The following EMC9 variants were observed in gnomAD, a reference collection of about 807,000 sequenced individuals.
EMC9 encodes UPF0172 protein FAM158A.
In EMC9, 20 loss-of-function variants were observed where a neutral mutation model predicts 25.0. The ratio of observed to expected loss-of-function variants is 0.80; its 90% CI spans 0.56 to 1.16. EMC9 has a LOEUF of 1.16. Among genes scored for constraint, EMC9 ranks in the 50% most tolerant of loss-of-function variants. EMC9 has a pLI of 0.00. For synonymous variants in EMC9, 100 were observed against 107.0 expected (o/e 0.93, Z 0.40); for missense variants, 256 against 268.7 (o/e 0.95, Z 0.33).
Position 24,141,210 on chromosome 14 carries a change from G to A in EMC9, c.95C>T (p.Ala32Val), listed in dbSNP as rs761848932. The A allele has an allele frequency of 1.9e-6, 3 of 1,614,166 alleles. No homozygotes were observed. The highest frequency in any genetic ancestry group is 2.5e-6 in the Non-Finnish European group (3 of 1,180,046). Residue 32 changes from alanine to valine, a missense_variant, in exon 2 of 6, where the codon GCG becomes GTG. Physicochemically the swap from Ala to Val is moderately conservative, Grantham distance 64 (BLOSUM62 0). Transcript: ENST00000216799. ...PHAAVNGLFLAPAPRSGECLC... is the reference protein window; with the variant it reads ...PHAAVNGLFLVPAPRSGECLC... ...GCATTCTCCAGACCGCGGCGCTGGC[G>A]CCAAAAACAGCCCGTTGACTGCGGC...
Position 24,141,297 on chromosome 14 carries a change from TC to T in EMC9, c.7del (p.Glu3ArgfsTer10), listed in dbSNP as rs757253924. 5.9e-5 allele frequency: 96 copies of T among 1,613,788 alleles called. 3 individuals are homozygous for T. In the South Asian group the frequency reaches 9.7e-4, roughly 16 times the overall value. On this transcript the variant is annotated frameshift_variant, in exon 2 of 6. Transcript: ENST00000216799. LOFTEE classifies it high-confidence loss of function. MG[E>X]VEISALAYVK... ...GTAGGCCAGGGCCGAGATCTCCACC[TC>T]CCCCATGGCGAGCGAGGCCTGGACG...
In EMC9 at chr14:24,139,296, A is replaced by C. The variant is rs1163945332; in HGVS notation, c.440+64T>G. 3.7e-6 allele frequency: 6 copies of C among 1,604,208 alleles called. No homozygotes were observed. Among genetic ancestry groups the C allele is most frequent in the Non-Finnish European group, 5.1e-6 (6 of 1,173,526 alleles). On this transcript the variant is annotated intron_variant, in intron 5 of 5. Transcript: ENST00000216799. This position sits in a 1 kb window ranked among gnomAD's most constrained non-coding sequence, Gnocchi z 4.6. ...AGAGAAAGACCCTTGGGGCAGGGCCAAGGACAGAGGAGACCCAGGAGCCTT... is the reference window on the plus strand; with the variant it reads ...AGAGAAAGACCCTTGGGGCAGGGCCCAGGACAGAGGAGACCCAGGAGCCTT...
chr14:24,141,498 G>T lies in EMC9; in HGVS notation c.-73C>A. 1.6e-6 allele frequency: 1 copy of T among 644,838 alleles called. No individual in the cohort carries two copies. The allele number at this position is 644,838 out of a possible 1,614,324, so 39.9% of individuals were successfully genotyped here. On this transcript the variant is annotated 5_prime_UTR_variant, in exon 1 of 6. Transcript: ENST00000216799. ...TAGCCCGCCGGCTCCCGGCGCCCTGGGTCCCGGAGTCCGCCCCCGGCCCAG... is the reference window on the plus strand; with the variant it reads ...TAGCCCGCCGGCTCCCGGCGCCCTGTGTCCCGGAGTCCGCCCCCGGCCCAG...
At position 24,141,236 on chromosome 14, in the gene EMC9, G is replaced by A. The variant is rs780756189; in HGVS notation, c.69C>T (p.His23=). ...CCAAAAACAGCCCGTTGACTGCGGC[G>A]TGTGGGTACCGGGCAGCATGCAGGC... The part of the protein sequence containing the change: ...KMCLHAARYP[H]AAVNGLFLAP... The change falls in exon 2 of 6, where the codon CAC becomes CAT. Residue 23 remains histidine, a synonymous_variant. Transcript: ENST00000216799. 1 of 1,614,212 alleles carries A rather than the reference G, an allele frequency of 6.2e-7. No homozygotes were observed. Among genetic ancestry groups the A allele is most frequent in the East Asian group, 2.2e-5 (1 of 44,888 alleles).
Position 24,139,034 on chromosome 14 carries a change from G to A in EMC9, c.603C>T (p.Pro201=), listed in dbSNP as rs778319281. 2 of 1,613,574 alleles carry A rather than the reference G, an allele frequency of 1.2e-6. No individual in the cohort carries two copies. The highest frequency in any genetic ancestry group is 2.2e-5 in the South Asian group (2 of 91,048). Residue 201 remains proline (P), a synonymous_variant, in exon 6 of 6, where the codon CCC becomes CCT. Coordinates refer to ENST00000216799, the MANE Select transcript of EMC9 (RefSeq NM_016049.4). The surrounding 1 kb of genome is among the most constrained non-coding windows in gnomAD (Gnocchi z 4.6). ...CTCAGGCATTTCCATTTCCATTAGT[G>A]GGACCAACCCACTGGGTGATTTGAG... is the stretch of plus-strand genomic sequence containing the variant. The part of the protein sequence containing the change: ...LNTQITQWVG[P]TNGNGNA
chr14:24,140,826 T>A, intron 3 of EMC9, 63 bp downstream of exon 3: 10 of 1,074,348 alleles, frequency 9.3e-6, no homozygotes, highest in African/African-American at 1.8e-5. Flanking sequence ...ATCCTCGCCC[T>A]CTATTCCTCC....
chr14:24,141,442 G>A lies in EMC9; in HGVS notation c.-17C>T. 1.1e-6 allele frequency: 1 copy of A among 937,886 alleles called. No individual in the cohort carries two copies. Among genetic ancestry groups the A allele is most frequent in the Non-Finnish European group, 1.6e-6 (1 of 622,484 alleles). The allele number at this position is 937,886 out of a possible 1,614,324, so 58.1% of individuals were successfully genotyped here. On this transcript the variant is annotated 5_prime_UTR_variant, in exon 1 of 6. Transcript: ENST00000216799. ...CCCTTCCCCGTGCCCTCTCACTTCGGTTCGGCGACAACGCTAACTCGACTC... is the reference window on the plus strand; with the variant it reads ...CCCTTCCCCGTGCCCTCTCACTTCGATTCGGCGACAACGCTAACTCGACTC...
Position 24,139,555 on chromosome 14 carries a change from A to G in EMC9, c.335T>C (p.Val112Ala). Residue 112 changes from valine to alanine, a missense_variant, in exon 4 of 6, where the codon GTA becomes GCA. Val to Ala is a moderately conservative substitution (Grantham distance 64). Coordinates refer to ENST00000216799, the MANE Select transcript of EMC9 (RefSeq NM_016049.4). The surrounding 1 kb of genome is among the most constrained non-coding windows in gnomAD (Gnocchi z 4.6). ...AAACCCAAGCCTCACCATAATAAGT[A>G]CTGCATCAGGGAAGAATTCTGCAAT... ...GRIAEFFPDAVLIMLDNQKLV... is the reference protein window; with the variant it reads ...GRIAEFFPDAALIMLDNQKLV... 2 of 1,614,026 alleles carry G rather than the reference A, an allele frequency of 1.2e-6. No homozygotes were observed. The highest frequency in any genetic ancestry group is 1.1e-5 in the South Asian group (1 of 91,062).
intron 3 of EMC9, chr14:24,140,286 TGGCC>T (rs1444270199): frequency 6.5e-6 from 1 of 153,204 alleles, no homozygotes; most frequent in Non-Finnish European, 1.4e-5. Context: ...ATCAGTCTGT[TGGCC>T]GAGAGTGGTG....
Position 24,139,274 on chromosome 14 carries a change from G to C in EMC9, c.441-78C>G. ...AGACTTAACAGAGATTGGGTCTAGAGAAAGACCCTTGGGGCAGGGCCAAGG... is the reference window on the plus strand; with the variant it reads ...AGACTTAACAGAGATTGGGTCTAGACAAAGACCCTTGGGGCAGGGCCAAGG... On this transcript the variant is annotated intron_variant, in intron 5 of 5. Transcript: ENST00000216799. The surrounding 1 kb of genome is among the most constrained non-coding windows in gnomAD (Gnocchi z 4.6). 1 of 1,597,690 alleles carries C rather than the reference G, an allele frequency of 6.3e-7. No homozygotes were observed. The highest frequency in any genetic ancestry group is 1.3e-5 in the African/African-American group (1 of 74,608).
In EMC9 at chr14:24,138,983, T is replaced by C. The variant is rs1277028849; in HGVS notation, c.*27A>G. ...CTGCCCATCAGCCCAAGTCTCTTTA[T>C]TGGAACCGGGCCCCGCTGGCCCTGG... On this transcript the variant is annotated 3_prime_UTR_variant, in exon 6 of 6. Transcript: ENST00000216799. The C allele has an allele frequency of 1.2e-5, 19 of 1,611,394 alleles. No individual in the cohort carries two copies. The highest frequency in any genetic ancestry group is 1.5e-5 in the Non-Finnish European group (18 of 1,179,088).
intron 3 of EMC9, 71 bp downstream of exon 3, chr14:24,140,818 C>A: frequency 1.2e-5 from 15 of 1,281,560 alleles, no homozygotes; most frequent in East Asian, 2.4e-5. Context: ...CCCCACGCAT[C>A]CTCGCCCTCT....
Position 24,139,694 on chromosome 14 carries a change from CAT to C in EMC9, c.276-82_276-81del. 6.4e-7 allele frequency: 1 copy of C among 1,567,320 alleles called. No individual in the cohort carries two copies. ...CATTTGAGCTGGGCCTCCCAGGTCT[CAT>C]AGGTGTGGGCGCAGCTGTGGCCTTT... On this transcript the variant is annotated intron_variant, in intron 3 of 5. Transcript: ENST00000216799. This position sits in a 1 kb window ranked among gnomAD's most constrained non-coding sequence, Gnocchi z 4.6.
rs773362727 is a variant in EMC9, at chr14:24,141,066, G to A, written c.198+41C>T. Reference sequence around the variant, plus strand: ...GGGGATGAACTTGGGCTGGGGTGTTGGGTGGGTTCGCGGTGGGGGATGGGC... The same window carrying A: ...GGGGATGAACTTGGGCTGGGGTGTTAGGTGGGTTCGCGGTGGGGGATGGGC... On this transcript the variant is annotated intron_variant, in intron 2 of 5. Transcript: ENST00000216799. The A allele has an allele frequency of 6.2e-6, 10 of 1,613,814 alleles. No individual in the cohort carries two copies. The East Asian group carries it at 1.6e-4, about 25-fold the overall frequency.
chr14:24,140,043 C>A, intron 3 of EMC9: 1 of 313,992 alleles, frequency 3.2e-6, no homozygotes, highest in Non-Finnish European at 6.3e-6. Flanking sequence ...ATAGCTGTTA[C>A]GGTAGATCTT....
In EMC9 at chr14:24,140,777, T is replaced by A. The variant is rs1594363356; in HGVS notation, c.275+112A>T. 7 of 1,199,278 alleles carry A rather than the reference T, an allele frequency of 5.8e-6. No individual in the cohort carries two copies. In the East Asian group the frequency reaches 1.7e-4, roughly 29 times the overall value. The allele number at this position is 1,199,278 out of a possible 1,614,324, so 74.3% of individuals were successfully genotyped here. On this transcript the variant is annotated intron_variant, in intron 3 of 5. Coordinates refer to ENST00000216799, the MANE Select transcript of EMC9 (RefSeq NM_016049.4). ...GGAAAGATAAAAGGAACGACCTTGG[T>A]TCATCTTGTGCGCCCCCGCCCCGCC...
At position 24,139,553 on chromosome 14, in the gene EMC9, G is replaced by C; in HGVS notation, c.337C>G (p.Leu113Val). The C allele has an allele frequency of 6.2e-7, 1 of 1,613,932 alleles. No homozygotes were observed. Among genetic ancestry groups the C allele is most frequent in the Non-Finnish European group, 8.5e-7 (1 of 1,179,906 alleles). Residue 113 changes from leucine (L) to valine (V), a missense_variant, in exon 4 of 6, where the codon CTT becomes GTT. Physicochemically the swap from Leu to Val is conservative, Grantham distance 32 (BLOSUM62 1). Coordinates refer to ENST00000216799, the MANE Select transcript of EMC9 (RefSeq NM_016049.4). This position sits in a 1 kb window ranked among gnomAD's most constrained non-coding sequence, Gnocchi z 4.6. ...RIAEFFPDAV[L>V]IMLDNQKLVP... Reference sequence around the variant, plus strand: ...AGAAACCCAAGCCTCACCATAATAAGTACTGCATCAGGGAAGAATTCTGCA... The same window carrying C: ...AGAAACCCAAGCCTCACCATAATAACTACTGCATCAGGGAAGAATTCTGCA...
At chr14:24,140,190 T>C (rs1162793466) in intron 3 of EMC9, 1 of 152,294 alleles carries the variant, frequency 6.6e-6, no homozygotes, top group African/African-American at 2.4e-5. Context: ...TATGTATATA[T>C]ATAAGGAAAC....
Position 24,141,220 on chromosome 14 carries a change from G to T in EMC9, c.85C>A (p.Leu29Met). ...GACCGCGGCGCTGGCGCCAAAAACA[G>T]CCCGTTGACTGCGGCGTGTGGGTAC... ...ARYPHAAVNG[L>M]FLAPAPRSGE... Residue 29 changes from leucine (L) to methionine (M), a missense_variant, in exon 2 of 6, where the codon CTG becomes ATG. Physicochemically the swap from Leu to Met is conservative, Grantham distance 15. Transcript: ENST00000216799. The T allele has an allele frequency of 6.2e-7, 1 of 1,614,198 alleles. No individual in the cohort carries two copies. The highest frequency in any genetic ancestry group is 8.5e-7 in the Non-Finnish European group (1 of 1,180,040).
Sources: gnomAD v4.1 joint callset for allele counts on GRCh38, gnomAD v4.1.1 for gene constraint, Gnocchi (gnomAD v3.1) non-coding constraint, MANE v1.5 for transcripts, NCBI Gene and HGNC (gene_info 2026-07-23, HGNC 2026-07-21) for gene names.